The following EHBP1 variants were observed in gnomAD, a reference collection of about 807,000 sequenced individuals.
EHBP1 encodes the protein EH domain-binding protein 1.
EHBP1 carries 55 observed loss-of-function variants against 144.0 expected under a neutral mutation model. That is an observed-to-expected ratio of 0.38 (90% CI 0.31 to 0.48). EHBP1 has a LOEUF of 0.48. Among genes scored for constraint, EHBP1 ranks in the 20% least tolerant of loss-of-function variants. EHBP1 has a pLI of 0.98. For missense variants in EHBP1, 1,200 were observed against 1,364.2 expected, an observed-to-expected ratio of 0.88 and a Z score of 1.90; for synonymous variants, 469 against 472.7, an observed-to-expected ratio of 0.99 and a Z score of 0.10.
chr2:62,811,944 T>C (rs2045046093), intron 5 of EHBP1, among the ~76,000 whole-genome samples: 1 of 152,186 alleles, frequency 6.6e-6, no homozygotes, highest in Admixed American at 6.5e-5. Flanking sequence ...TAATCCCCAA[T>C]GCAACAGTGT....
intron 3 of EHBP1, among the ~76,000 whole-genome samples, chr2:62,762,415 G>T (rs2040838897): frequency 6.6e-6 from 1 of 152,078 alleles, no homozygotes; most frequent in Non-Finnish European, 1.5e-5. Context: ...TCCCAAATTT[G>T]CAGCTCCAGA....
At chr2:62,985,113 A>T (rs1169243303) in intron 15 of EHBP1, among the ~76,000 whole-genome samples, 1 of 151,984 alleles carries the variant, frequency 6.6e-6, no homozygotes, top group Non-Finnish European at 1.5e-5. Context: ...CAATTCTTTC[A>T]TCCTAGGTTA....
Position 62,858,451 on chromosome 2 carries a change from A to T in EHBP1, c.635-718A>T, listed in dbSNP as rs767340425. 2.5e-6 allele frequency: 4 copies of T among 1,612,152 alleles called. 1 individual carries two copies. The South Asian group carries it at 4.4e-5, about 18-fold the overall frequency. On this transcript the variant is annotated intron_variant, in intron 7 of 22. Transcript: ENST00000431489. ...GCTCTGAGCAGCTTAGATGAAGATC[A>T]AGATGACTGCATAAAGCAAGCAAAT...
chr2:62,827,731 G>A (rs1185130979), intron 6 of EHBP1, among the ~76,000 whole-genome samples: 3 of 151,536 alleles, frequency 2.0e-5, no homozygotes, highest in Admixed American at 6.6e-5. Context: ...GCAGTGGCAC[G>A]ATCTCGGCTC....
At chr2:62,681,340 G>GTGTGTATATATATATATATATATA (rs1171760462) in intron 1 of EHBP1, among the ~76,000 whole-genome samples, 7 of 58,556 alleles carry the variant, frequency 1.2e-4, no homozygotes, top group African/African-American at 6.0e-4. Context: ...ATGTGTGTGT[G>GTGTGTATATATATATATATATATA]TATATATATA....
intron 7 of EHBP1, among the ~76,000 whole-genome samples, chr2:62,839,192 C>A (rs1490583410): frequency 2.0e-5 from 3 of 151,862 alleles, no homozygotes; most frequent in South Asian, 2.1e-4. Context: ...TCAATATACG[C>A]AAATCAATAA....
chr2:62,962,209 C>T (rs1182096994), intron 14 of EHBP1, among the ~76,000 whole-genome samples: 2 of 152,070 alleles, frequency 1.3e-5, no homozygotes, highest in African/African-American at 4.8e-5. Context: ...GCCTCTAGTC[C>T]CAGCTACTCG....
chr2:62,692,393 C>G (rs1371903285), intron 1 of EHBP1, among the ~76,000 whole-genome samples: 1 of 152,120 alleles, frequency 6.6e-6, no homozygotes, highest in Non-Finnish European at 1.5e-5. Context: ...TGGTATTTAC[C>G]TAGGAGTGGT....
At chr2:62,733,190 A>C (rs1307137147) in intron 2 of EHBP1, among the ~76,000 whole-genome samples, 1 of 152,190 alleles carries the variant, frequency 6.6e-6, no homozygotes, top group Non-Finnish European at 1.5e-5. Context: ...GGGTATGTGA[A>C]ATTGAGATAA....
chr2:62,754,417 C>G, intron 3 of EHBP1, among the ~76,000 whole-genome samples: 1 of 152,186 alleles, frequency 6.6e-6, no homozygotes, highest in Admixed American at 6.5e-5. Flanking sequence ...GGGGTGCCTC[C>G]CAGTTAGGCT....
At chr2:62,842,921 C>T (rs1232099958) in intron 7 of EHBP1, among the ~76,000 whole-genome samples, 1 of 152,054 alleles carries the variant, frequency 6.6e-6, no homozygotes, top group African/African-American at 2.4e-5. Context: ...AGAGTGAGAA[C>T]AGTAGTTTTT....
At chr2:62,935,832 CTA>C (rs973554593) in intron 10 of EHBP1, among the ~76,000 whole-genome samples, 49 of 152,186 alleles carry the variant, frequency 3.2e-4, no homozygotes, top group African/African-American at 1.1e-3. Context: ...GTTGCTAAGA[CTA>C]TTTTTTAGAA....
chr2:62,780,096 C>T (rs2042323486), intron 5 of EHBP1, among the ~76,000 whole-genome samples: 1 of 151,836 alleles, frequency 6.6e-6, no homozygotes, highest in Non-Finnish European at 1.5e-5. Flanking sequence ...TTTTTTTTAA[C>T]TTAACTGCCT....
intron 8 of EHBP1, among the ~76,000 whole-genome samples, chr2:62,863,139 C>T (rs761159039): frequency 6.6e-5 from 10 of 151,570 alleles, no homozygotes; most frequent in Non-Finnish European, 1.5e-4. Flanking sequence ...AAAAATTAGC[C>T]AGGCGTGGTG....
At chr2:62,720,396 T>G (rs1015177600) in intron 2 of EHBP1, among the ~76,000 whole-genome samples, 5 of 152,322 alleles carry the variant, frequency 3.3e-5, no homozygotes, top group Admixed American at 6.5e-5. Context: ...TTTACTAGTC[T>G]TCTTCCAACC....
chr2:62,749,400 G>T (rs1308942394), intron 3 of EHBP1, among the ~76,000 whole-genome samples: 1 of 152,152 alleles, frequency 6.6e-6, no homozygotes, highest in Non-Finnish European at 1.5e-5. Flanking sequence ...GGACATTTGG[G>T]TTGGTTCCAA....
Position 62,867,885 on chromosome 2 carries a change from C to T in EHBP1, c.998+2914C>T, listed in dbSNP as rs376722679. ...AAGAGAGCCTGGAATTAGATTCATA[C>T]ATATATTGCCAATTTATTTTTGACA... is the stretch of plus-strand genomic sequence containing the variant. On this transcript the variant is annotated intron_variant, in intron 9 of 22. Transcript: ENST00000431489. Among the ~76,000 whole-genome samples, 40 of 152,152 alleles carry T rather than the reference C, an allele frequency of 2.6e-4. 1 individual carries two copies. The South Asian group carries it at 8.1e-3, about 31-fold the overall frequency.
intron 4 of EHBP1, among the ~76,000 whole-genome samples, chr2:62,764,786 A>G (rs933108200): frequency 1.3e-5 from 2 of 152,106 alleles, no homozygotes; most frequent in East Asian, 3.8e-4. Flanking sequence ...TTGATATTTG[A>G]TAAATATTTT....
rs573401744 is a variant in EHBP1 at position 62,747,978 on chromosome 2, C to G, written c.162+526C>G. Among the ~76,000 whole-genome samples the G allele has an allele frequency of 3.2e-4, 49 of 152,106 alleles. 1 individual carries two copies. The South Asian group carries it at 0.01, about 32-fold the overall frequency. ...CGATGCCTTGATCTTGAACTTCTAG[C>G]CCTTAGAACTGTGAGAAAATAGATT... On this transcript the variant is annotated intron_variant, in intron 3 of 22. Coordinates refer to ENST00000431489, the MANE Select transcript of EHBP1 (RefSeq NM_001142616.3).
Sources: gnomAD v4.1 joint callset for allele counts (sites outside exome capture counted in the v4.1 genomes callset) on GRCh38, gnomAD v4.1.1 for gene constraint, MANE v1.5 for transcripts, NCBI Gene and HGNC (gene_info 2026-07-23, HGNC 2026-07-21) for gene names.